CCDC12: variants seen among roughly 807,000 people sequenced by gnomAD.
CCDC12 encodes the protein coiled-coil domain containing 12, also known as coiled-coil domain-containing protein 12.
Under a neutral mutation model 25.7 loss-of-function variants are expected in CCDC12, and 28 were observed. The ratio of observed to expected loss-of-function variants is 1.09; its 90% CI spans 0.81 to 1.50. The LOEUF is 1.50. CCDC12 is among the 40% of genes most tolerant of loss of function. CCDC12 has a pLI of 0.00. For synonymous variants in CCDC12, 75 were observed against 87.7 expected, an observed-to-expected ratio of 0.86 and a Z score of 0.81; for missense variants, 198 against 210.0, an observed-to-expected ratio of 0.94 and a Z score of 0.35.
chr3:46,967,711 C>T (rs1239794274), intron 1 of CCDC12, among the ~76,000 whole-genome samples: 1 of 152,178 alleles, frequency 6.6e-6, no homozygotes, highest in African/African-American at 2.4e-5. Flanking sequence ...TTGTTCATAG[C>T]TGTATCCCCA....
At chr3:46,930,027 A>G (rs1398104589) in intron 2 of CCDC12, among the ~76,000 whole-genome samples, 8 of 97,822 alleles carry the variant, frequency 8.2e-5, no homozygotes, top group Non-Finnish European at 1.7e-4. Context: ...GCAAGACCCC[A>G]TCTCAAAAAA....
chr3:46,959,686 C>T (rs1249878250), intron 1 of CCDC12, among the ~76,000 whole-genome samples: 1 of 152,154 alleles, frequency 6.6e-6, no homozygotes. Flanking sequence ...AGTCAGAAAA[C>T]GCTAGCCAGT....
At chr3:46,923,549 C>A (rs760623269) in intron 4 of CCDC12, 58 bp downstream of exon 4, 2 of 1,556,112 alleles carry the variant, frequency 1.3e-6, no homozygotes, top group Non-Finnish European at 1.8e-6. Flanking sequence ...GAGCAAGTGG[C>A]GAAGAGAAAC....
chr3:46,972,055 A>G (rs866769384), intron 1 of CCDC12, among the ~76,000 whole-genome samples: 3 of 113,720 alleles, frequency 2.6e-5, no homozygotes, highest in Non-Finnish European at 4.3e-5. Flanking sequence ...CCAGGCATTC[A>G]CCTTAATAAA....
chr3:46,929,477 C>A (rs1445705003), intron 2 of CCDC12, among the ~76,000 whole-genome samples: 1 of 152,138 alleles, frequency 6.6e-6, no homozygotes, highest in Non-Finnish European at 1.5e-5. Context: ...CCAGCCAGAG[C>A]AGTAGGGCAG....
intron 2 of CCDC12, among the ~76,000 whole-genome samples, chr3:46,931,544 C>T (rs1196184040): frequency 2.6e-5 from 4 of 152,206 alleles, no homozygotes; most frequent in Non-Finnish European, 5.9e-5. Flanking sequence ...TCCTTTGGGG[C>T]GCTAGCCTCC....
Position 46,923,353 on chromosome 3 carries a change from T to A in CCDC12, c.317A>T (p.Asn106Ile). Residue 106 changes from asparagine (N) to isoleucine (I), a missense_variant, in exon 5 of 7, where the codon AAC (asparagine) becomes ATC (isoleucine). Asn to Ile is a moderately radical substitution (Grantham distance 149). Transcript: ENST00000683445. ...EPVIEEVDLA[N>I]LAPRKPDWDL... Reference sequence around the variant, plus strand: ...CCAGTCAGGCTTCCGAGGAGCGAGGTTGGCCAGGTCCTGGGAAGGGAGGAG... The same window carrying A: ...CCAGTCAGGCTTCCGAGGAGCGAGGATGGCCAGGTCCTGGGAAGGGAGGAG... 1.3e-6 allele frequency: 2 copies of A among 1,485,596 alleles called. No individual in the cohort carries two copies. The highest frequency in any genetic ancestry group is 1.8e-6 in the Non-Finnish European group (2 of 1,115,362). The allele number at this position is 1,485,596 out of a possible 1,614,324, so 92.0% of individuals were successfully genotyped here. A position where few individuals can be genotyped will look rare whatever the true frequency, so the allele number is the denominator to read the frequency against.
At chr3:46,922,707 C>T (rs1021077534) in intron 5 of CCDC12, 2 of 307,166 alleles carry the variant, frequency 6.5e-6, no homozygotes, top group African/African-American at 2.1e-5. Context: ...CAGAAGTGCA[C>T]AAGCACTCAG....
At chr3:46,977,045 G>A (rs2035021135), upstream of CCDC12, 1 of 429,562 alleles carries the variant, frequency 2.3e-6, no homozygotes, top group Non-Finnish European at 4.2e-6. Context: ...TCAGACCTGA[G>A]AGAAGGAGAA....
At chr3:46,955,535 C>G (rs993145940) in intron 1 of CCDC12, among the ~76,000 whole-genome samples, 3 of 151,980 alleles carry the variant, frequency 2.0e-5, no homozygotes, top group Non-Finnish European at 4.4e-5. Context: ...ACTGAGCGGT[C>G]AGAGAGGGGA....
At position 46,922,080 on chromosome 3, in the gene CCDC12, G is replaced by A. The variant is rs759377783; in HGVS notation, c.478C>T (p.Gln160Ter). The change falls in exon 7 of 7, where the codon CAA becomes TAA. Residue 160 changes from glutamine (Q) to a stop codon, truncating the protein, a stop_gained. Transcript: ENST00000683445. LOFTEE classifies it high-confidence loss of function. Reference protein sequence around the residue: ...LASAVDAATEQKTCDSD With the variant: ...LASAVDAATE ...CCTCAGTCGGAGTCACAGGTCTTTT[G>A]TTCGGTGGCAGCATCCACTGCAGAG... The A allele has an allele frequency of 6.2e-7, 1 of 1,614,242 alleles. No homozygotes were observed.
chr3:46,933,151 C>T (rs1388021976), intron 2 of CCDC12, among the ~76,000 whole-genome samples: 1 of 152,198 alleles, frequency 6.6e-6, no homozygotes, highest in Non-Finnish European at 1.5e-5. Flanking sequence ...CAGCCTACCC[C>T]ACAGTGGAGT....
chr3:46,923,720 T>C, intron 3 of CCDC12, 52 bp from the exon 4 acceptor site: 1 of 1,395,056 alleles, frequency 7.2e-7, no homozygotes, highest in Non-Finnish European at 9.5e-7. Context: ...GCTGCCACTC[T>C]GCAGGGACAC....
chr3:46,978,205 GGTCT>G (rs2035065266), upstream of CCDC12, among the ~76,000 whole-genome samples: 1 of 152,188 alleles, frequency 6.6e-6, no homozygotes, highest in South Asian at 2.1e-4. Flanking sequence ...CACTAACCTG[GGTCT>G]GTCTAAGCCT....
chr3:46,950,336 G>A lies in CCDC12; in HGVS notation c.97-9271C>T, dbSNP rs145044252. Among the ~76,000 whole-genome samples the A allele has an allele frequency of 3.9e-3, 586 of 152,174 alleles. 4 individuals carry two copies. Among genetic ancestry groups the A allele is most frequent in the African/African-American group, 0.013 (556 of 41,514 alleles). On this transcript the variant is annotated intron_variant, in intron 1 of 6. Coordinates refer to ENST00000683445, the MANE Select transcript of CCDC12 (RefSeq NM_001277074.2). Reference sequence around the variant, plus strand: ...TTGCATTTTTTTGAGATAGGGTCTCGCTCTGTTGTCCAGCTGTCCAGGCTG... The same window carrying A: ...TTGCATTTTTTTGAGATAGGGTCTCACTCTGTTGTCCAGCTGTCCAGGCTG...
chr3:46,933,108 G>A (rs898698742), intron 2 of CCDC12, among the ~76,000 whole-genome samples: 3 of 152,196 alleles, frequency 2.0e-5, no homozygotes, highest in East Asian at 1.9e-4. Flanking sequence ...AGGGCTCTGA[G>A]TGCTCAAGTG....
intron 1 of CCDC12, among the ~76,000 whole-genome samples, chr3:46,946,712 C>G (rs2107151407): frequency 6.6e-6 from 1 of 152,304 alleles, no homozygotes. Flanking sequence ...GTGAGATCCT[C>G]CACTCCCAGC....
chr3:46,976,989 G>C, upstream of CCDC12: 1 of 572,158 alleles, frequency 1.7e-6, no homozygotes, highest in Admixed American at 3.3e-5. Context: ...AAAAGCTAAG[G>C]CTCGATTTAT....
At chr3:46,966,520 A>T (rs1008994836) in intron 1 of CCDC12, among the ~76,000 whole-genome samples, 3 of 151,956 alleles carry the variant, frequency 2.0e-5, no homozygotes, top group Non-Finnish European at 4.4e-5. Flanking sequence ...TGTCTCAAAA[A>T]AAAAAAGAAA....
Sources: allele counts gnomAD v4.1 joint callset (sites outside exome capture counted in the v4.1 genomes callset), GRCh38; gene constraint gnomAD v4.1.1; transcripts MANE v1.5; gene names NCBI Gene and HGNC (gene_info 2026-07-23, HGNC 2026-07-21).